Variants in CACNA2D4 observed in about 807,000 individuals in gnomAD.
The protein encoded by CACNA2D4 is calcium voltage-gated channel auxiliary subunit alpha2delta 4.
CACNA2D4 carries 157 observed loss-of-function variants against 163.8 expected under a neutral mutation model. That is an observed-to-expected ratio of 0.96 (90% CI 0.84 to 1.09). The LOEUF (loss-of-function observed/expected upper bound fraction) is 1.09, where lower values mean the gene tolerates loss of function less well. CACNA2D4 is among the 50% of genes least tolerant of loss of function. CACNA2D4 has a pLI of 0.00. For missense variants in CACNA2D4, 1,410 were observed against 1,479.9 expected (o/e 0.95, Z 0.78); for synonymous variants, 598 against 586.9 (o/e 1.02, Z -0.27).
chr12:1,834,846 C>T lies in CACNA2D4; in HGVS notation c.2551+5893G>A. On this transcript the variant is annotated intron_variant, in intron 26 of 37. Transcript: ENST00000382722. The surrounding 1 kb of genome is among the most constrained non-coding windows in gnomAD (Gnocchi z 7.6). ...CGAGTCCACCCTCCTCCCCGCCCTC[C>T]AGCAGACAAGCCACACCGGGTTCTC... 1 of 1,430,118 alleles carries T rather than the reference C, an allele frequency of 7.0e-7. No individual in the cohort carries two copies. The highest frequency in any genetic ancestry group is 9.1e-7 in the Non-Finnish European group (1 of 1,094,596). The allele number at this position is 1,430,118 out of a possible 1,614,324, so 88.6% of individuals were successfully genotyped here.
At chr12:1,810,657 T>A in intron 27 of CACNA2D4, 70 bp from the exon 28 acceptor site, 3 of 1,452,186 alleles carry the variant, frequency 2.1e-6, no homozygotes, top group Non-Finnish European at 2.8e-6. Flanking sequence ...TAAGTGGGAA[T>A]GCTGTGTGTG....
At position 1,802,660 on chromosome 12, in the gene CACNA2D4, G is replaced by A. The variant is rs560268124; in HGVS notation, c.2722-1016C>T. ...TGGGGATAGCGTGTGTCCGGCGTGT[G>A]GCTCCCAGTAAATACTTGAAAAATG... On this transcript the variant is annotated intron_variant, in intron 29 of 37. Coordinates refer to ENST00000382722, the MANE Select transcript of CACNA2D4 (RefSeq NM_172364.5). This position sits in a 1 kb window ranked among gnomAD's most constrained non-coding sequence, Gnocchi z 4.7. Among the ~76,000 whole-genome samples, 15 of 152,316 alleles carry A rather than the reference G, an allele frequency of 9.8e-5. No homozygotes were observed. The highest frequency in any genetic ancestry group is 2.6e-4 in the African/African-American group (11 of 41,568).
Position 1,834,754 on chromosome 12 carries a change from C to G in CACNA2D4, c.2551+5985G>C. On this transcript the variant is annotated intron_variant, in intron 26 of 37. Coordinates refer to ENST00000382722, the MANE Select transcript of CACNA2D4 (RefSeq NM_172364.5). The surrounding 1 kb of genome is among the most constrained non-coding windows in gnomAD (Gnocchi z 7.6). ...TCCCCACCCGGCCAGGTAGGAAGGG[C>G]GGGGAGAGCACACGGCATTGCTCAG... 1 of 1,553,606 alleles carries G rather than the reference C, an allele frequency of 6.4e-7. No homozygotes were observed. Among genetic ancestry groups the G allele is most frequent in the East Asian group, 2.3e-5 (1 of 44,284 alleles).
intron 26 of CACNA2D4, among the ~76,000 whole-genome samples, chr12:1,812,594 C>G (rs748538704): frequency 2.0e-5 from 3 of 152,252 alleles, no homozygotes; most frequent in African/African-American, 7.2e-5. Flanking sequence ...TGTCCAGCAC[C>G]TCACATGCAT....
chr12:1,824,345 C>T (rs375425431), intron 26 of CACNA2D4, among the ~76,000 whole-genome samples: 4 of 152,228 alleles, frequency 2.6e-5, no homozygotes, highest in East Asian at 3.8e-4. Context: ...CCAAGCTAGA[C>T]CAATGCCGCT....
chr12:1,851,651 TTGTGTGTG>T (rs71055202), intron 23 of CACNA2D4, among the ~76,000 whole-genome samples: 6 of 118,576 alleles, frequency 5.1e-5, no homozygotes, highest in African/African-American at 1.9e-4. Flanking sequence ...TGGTGTGTGT[TTGTGTGTG>T]TGTGTGTGTG....
Position 1,834,510 on chromosome 12 carries a change from C to T in CACNA2D4, c.2551+6229G>A, listed in dbSNP as rs746522868. 1.1e-5 allele frequency: 18 copies of T among 1,606,650 alleles called. No individual in the cohort carries two copies. The highest frequency in any genetic ancestry group is 3.3e-4 in the Middle Eastern group (2 of 6,084). On this transcript the variant is annotated intron_variant, in intron 26 of 37. Coordinates refer to ENST00000382722, the MANE Select transcript of CACNA2D4 (RefSeq NM_172364.5). The surrounding 1 kb of genome is among the most constrained non-coding windows in gnomAD (Gnocchi z 7.6). The stretch of plus-strand genomic sequence containing the variant: ...TGCCCACAGAAGCAGAGGCACCGGC[C>T]GGCGAGCGTGAGGCGAGCCATGGGC...
intron 29 of CACNA2D4, among the ~76,000 whole-genome samples, chr12:1,805,027 T>C (rs973423454): frequency 6.6e-6 from 1 of 152,166 alleles, no homozygotes; most frequent in African/African-American, 2.4e-5. Flanking sequence ...CTTGTCGATT[T>C]AGGAGCCCCA....
intron 29 of CACNA2D4, among the ~76,000 whole-genome samples, chr12:1,804,786 G>A (rs141991822): frequency 4.6e-5 from 7 of 152,260 alleles, no homozygotes; most frequent in Admixed American, 3.3e-4. Flanking sequence ...GAAGGCAGGA[G>A]CCCCTCCAGC....
At chr12:1,796,435 T>G (rs902846948) in intron 35 of CACNA2D4, among the ~76,000 whole-genome samples, 3 of 152,220 alleles carry the variant, frequency 2.0e-5, no homozygotes, top group Non-Finnish European at 4.4e-5. Flanking sequence ...GAATGGAGAC[T>G]AGAGGAGGCG....
In CACNA2D4 at chr12:1,854,525, C is replaced by A. The variant is rs995893647; in HGVS notation, c.2153-481G>T. Among the ~76,000 whole-genome samples the A allele has an allele frequency of 3.9e-5, 6 of 152,222 alleles. No individual in the cohort carries two copies. The East Asian group carries it at 1.2e-3, about 29-fold the overall frequency. Reference sequence around the variant, plus strand: ...GGTTTAAGCAATTCTCCTGCCTCAGCCTCCCAAGTAGCTGGGACCACAGGT... The same window carrying A: ...GGTTTAAGCAATTCTCCTGCCTCAGACTCCCAAGTAGCTGGGACCACAGGT... On this transcript the variant is annotated intron_variant, in intron 22 of 37. Coordinates refer to ENST00000382722, the MANE Select transcript of CACNA2D4 (RefSeq NM_172364.5).
chr12:1,900,110 T>C (rs572749565), intron 6 of CACNA2D4, among the ~76,000 whole-genome samples: 26 of 152,330 alleles, frequency 1.7e-4, no homozygotes, highest in African/African-American at 6.3e-4. Flanking sequence ...TGAAATACTA[T>C]TTTATACTAA....
rs751349154 is a variant in CACNA2D4 at position 1,913,179 on chromosome 12, T to C, written c.310-40A>G. ...TGGGAGAGATGCGTGCATGTGGTTT[T>C]GTACCAGGATAGTTGCACCTGTGTA... On this transcript the variant is annotated intron_variant, in intron 2 of 37. Coordinates refer to ENST00000382722, the MANE Select transcript of CACNA2D4 (RefSeq NM_172364.5). 11 of 1,398,208 alleles carry C rather than the reference T, an allele frequency of 7.9e-6. No homozygotes were observed. The South Asian group carries it at 9.3e-5, about 12-fold the overall frequency. 86.6% of individuals were successfully genotyped at this position (1,398,208 alleles called of 1,614,324 possible).
At chr12:1,796,370 C>T (rs1038187870) in intron 35 of CACNA2D4, among the ~76,000 whole-genome samples, 1 of 152,262 alleles carries the variant, frequency 6.6e-6, no homozygotes, top group Non-Finnish European at 1.5e-5. Flanking sequence ...CGTGTATACT[C>T]TCAGCCTTCA....
In CACNA2D4 at chr12:1,882,883, G is replaced by A. The variant is rs766705137; in HGVS notation, c.1469C>T (p.Ala490Val). 6.2e-7 allele frequency: 1 copy of A among 1,613,856 alleles called. No individual in the cohort carries two copies. The change falls in exon 13 of 38, where the codon GCC (alanine) becomes GTC (valine). Residue 490 changes from alanine (A) to valine (V), a missense_variant. Ala to Val is a moderately conservative substitution (Grantham distance 64). Transcript: ENST00000382722. ...CAGGCTCACCTTGCTGTCCATGTAG[G>A]CCTCTGTCCAGATGATGTCGTGGTC... The part of the protein sequence containing the change: ...NHDHDIIWTE[A>V]YMDSKLLSSQ...
chr12:1,797,304 C>G, intron 35 of CACNA2D4, 114 bp downstream of exon 35: 1 of 782,972 alleles, frequency 1.3e-6, no homozygotes, highest in South Asian at 1.5e-5. Flanking sequence ...GACGCATCCC[C>G]TCCTCCCGGC....
At chr12:1,864,917 G>C (rs1228074944) in intron 18 of CACNA2D4, among the ~76,000 whole-genome samples, 1 of 152,200 alleles carries the variant, frequency 6.6e-6, no homozygotes, top group African/African-American at 2.4e-5. Flanking sequence ...GGAAAATCCG[G>C]CTAGAACCTG....
At chr12:1,800,985 G>A in intron 31 of CACNA2D4, 58 bp downstream of exon 31, 1 of 1,527,690 alleles carries the variant, frequency 6.5e-7, no homozygotes, top group Non-Finnish European at 9.1e-7. Flanking sequence ...CCTCATTCCA[G>A]GACAGGGCAG....
intron 6 of CACNA2D4, among the ~76,000 whole-genome samples, chr12:1,888,782 G>A (rs1866211507): frequency 6.6e-6 from 1 of 152,206 alleles, no homozygotes; most frequent in African/African-American, 2.4e-5. Context: ...AAGAGAAAAG[G>A]GAGAGCATGG....
Sources: allele counts gnomAD v4.1 joint callset (sites outside exome capture counted in the v4.1 genomes callset), GRCh38; gene constraint gnomAD v4.1.1; non-coding constraint Gnocchi (gnomAD v3.1); transcripts MANE v1.5; gene names NCBI Gene and HGNC (gene_info 2026-07-23, HGNC 2026-07-21).